The following TAS1R2 variants were observed in gnomAD, a reference collection of about 807,000 sequenced individuals.
TAS1R2 encodes the protein taste 1 receptor member 2.
In TAS1R2, 47 loss-of-function variants were observed where a neutral mutation model predicts 49.3. That is an observed-to-expected ratio of 0.95 (90% confidence interval 0.75 to 1.22). The LOEUF is 1.22. TAS1R2 is among the 50% of genes most tolerant of loss of function. The pLI, the probability that TAS1R2 is intolerant of heterozygous loss-of-function variation, is 0.00. For synonymous variants in TAS1R2, 479 were observed against 467.9 expected, an observed-to-expected ratio of 1.02 and a Z score of -0.31; for missense variants, 1,155 against 1,122.1, an observed-to-expected ratio of 1.03 and a Z score of -0.42.
At position 18,854,975 on chromosome 1, in the gene TAS1R2, G is replaced by A. The variant is rs759207242; in HGVS notation, c.495C>T (p.Ser165=). The A allele has an allele frequency of 1.1e-5, 18 of 1,603,604 alleles. No homozygotes were observed. Among genetic ancestry groups the A allele is most frequent in the Admixed American group, 1.7e-5 (1 of 59,844 alleles). ...TGTCTCGCAGCTCATCGCTGATGGC[G>A]CTGTAGGTGATCTGCAAGGGGAAGG... is the stretch of plus-strand genomic sequence containing the variant. Residue 165 remains serine (S), a synonymous_variant, in exon 3 of 6, where the codon AGC becomes AGT. Coordinates refer to ENST00000375371, the Ensembl canonical transcript of TAS1R2. The surrounding 1 kb of genome is among the most constrained non-coding windows in gnomAD (Gnocchi z 4.9).
At chr1:18,843,704 T>C (rs574186512) in intron 4 of TAS1R2, among the ~76,000 whole-genome samples, 6 of 152,318 alleles carry the variant, frequency 3.9e-5, no homozygotes, top group South Asian at 4.1e-4. Context: ...AAGAGAGAGA[T>C]GCAACAATGC....
exon 1 of TAS1R2, chr1:18,859,510 G>T: frequency 1.2e-6 from 2 of 1,614,134 alleles, no homozygotes; most frequent in South Asian, 2.2e-5. Context: ...AGGAAGTTAA[G>T]GTGAACAATG....
rs1276946411 is a variant in TAS1R2, at chr1:18,841,979, CTG to C, written c.1468-129_1468-128del. On this transcript the variant is annotated intron_variant, in intron 4 of 5. Transcript: ENST00000375371. ...AGCCCCCTAGGTTTTGGGGTGGAAACTGTAGAAAAAAAAAAAAAAACTCTCAT... is the reference window on the plus strand; with the variant it reads ...AGCCCCCTAGGTTTTGGGGTGGAAACTAGAAAAAAAAAAAAAAACTCTCAT... The C allele has an allele frequency of 7.0e-6, 4 of 570,806 alleles. No individual in the cohort carries two copies. The Admixed American group carries it at 1.8e-4, about 26-fold the overall frequency. 35.4% of individuals were successfully genotyped at this position (570,806 alleles called of 1,614,324 possible). A position where few individuals can be genotyped will look rare whatever the true frequency, so the allele number is the denominator to read the frequency against.
chr1:18,847,929 C>G (rs112518480), intron 4 of TAS1R2, among the ~76,000 whole-genome samples: 1 of 152,150 alleles, frequency 6.6e-6, no homozygotes. Context: ...TAGCAGCAAG[C>G]GGAGAGAGCT....
chr1:18,855,612 A>G (rs1031553013), intron 2 of TAS1R2, among the ~76,000 whole-genome samples: 4 of 151,976 alleles, frequency 2.6e-5, no homozygotes, highest in African/African-American at 9.7e-5. Flanking sequence ...ATGGCTTAAT[A>G]TCCCATTTCC....
intron 4 of TAS1R2, among the ~76,000 whole-genome samples, chr1:18,843,013 TAA>T (rs1276901042): frequency 7.2e-5 from 11 of 152,316 alleles, no homozygotes; most frequent in African/African-American, 2.6e-4. Flanking sequence ...AAACAATACT[TAA>T]GAGGGAAATT....
chr1:18,844,939 A>G (rs1933890978), intron 4 of TAS1R2, among the ~76,000 whole-genome samples: 1 of 152,204 alleles, frequency 6.6e-6, no homozygotes, highest in Non-Finnish European at 1.5e-5. Context: ...CCATTGCAGA[A>G]CACCTAACAT....
rs745788077 is a variant in TAS1R2, at chr1:18,840,129, G to A, written c.1990C>T (p.Arg664Cys). Residue 664 changes from arginine to cysteine, a missense_variant, in exon 6 of 6, where the codon CGC becomes TGC. Physicochemically the swap from Arg to Cys is radical, Grantham distance 180. Transcript: ENST00000375371. Reference sequence around the variant, plus strand: ...CAGTAGCTGTAGGCGCGTGGGAAGCGGCTGGCCATCTTGAAGGCGCAGACG... The same window carrying A: ...CAGTAGCTGTAGGCGCGTGGGAAGCAGCTGGCCATCTTGAAGGCGCAGACG... 52 of 1,614,106 alleles carry A rather than the reference G, an allele frequency of 3.2e-5. No homozygotes were observed. Among genetic ancestry groups the A allele is most frequent in the East Asian group, 6.7e-5 (3 of 44,894 alleles).
intron 4 of TAS1R2, among the ~76,000 whole-genome samples, chr1:18,848,840 C>T (rs1171521334): frequency 1.3e-5 from 2 of 152,182 alleles, no homozygotes; most frequent in African/African-American, 2.4e-5. Context: ...AAGCTCAGGG[C>T]TTCCATTAAT....
Position 18,858,626 on chromosome 1 carries a change from C to T in TAS1R2, c.182+853G>A, listed in dbSNP as rs377201214. 1.6e-4 allele frequency among the ~76,000 whole-genome samples: 25 copies of T among 152,296 alleles called. No homozygotes were observed. The South Asian group carries it at 5.0e-3, about 30-fold the overall frequency. ...TCATCATCACCATCATACTTTTTATCATTGTCATCATCACCAGTATTACTG... is the reference window on the plus strand; with the variant it reads ...TCATCATCACCATCATACTTTTTATTATTGTCATCATCACCAGTATTACTG... On this transcript the variant is annotated intron_variant, in intron 1 of 5. Coordinates refer to ENST00000375371, the Ensembl canonical transcript of TAS1R2.
chr1:18,854,823 C>T lies in TAS1R2; in HGVS notation c.647G>A (p.Gly216Asp), dbSNP rs758651483. Residue 216 changes from glycine to aspartate, a missense_variant, in exon 3 of 6, where the codon GGC (glycine) becomes GAC (aspartate). Coordinates refer to ENST00000375371, the Ensembl canonical transcript of TAS1R2. The surrounding 1 kb of genome is among the most constrained non-coding windows in gnomAD (Gnocchi z 4.9). ...GCCAAGCAGCTGGCCATTGTCGCGG[C>T]CATAGGTGTCGCTGCTCACCAGCAC... The T allele has an allele frequency of 6.2e-7, 1 of 1,607,404 alleles. No homozygotes were observed. The highest frequency in any genetic ancestry group is 8.5e-7 in the Non-Finnish European group (1 of 1,179,312).
Position 18,854,908 on chromosome 1 carries a change from C to A in TAS1R2, c.562G>T (p.Asp188Tyr), listed in dbSNP as rs778307315. 2 of 1,613,316 alleles carry A rather than the reference C, an allele frequency of 1.2e-6. No individual in the cohort carries two copies. The highest frequency in any genetic ancestry group is 2.2e-5 in the South Asian group (2 of 91,056). ...TGCACCATGGCCTCGATGTGGTGGTCGGCGCTGGGTGTGGTACGCAGCAAA... is the reference window on the plus strand; with the variant it reads ...TGCACCATGGCCTCGATGTGGTGGTAGGCGCTGGGTGTGGTACGCAGCAAA... Residue 188 changes from aspartate to tyrosine, a missense_variant, in exon 3 of 6, where the codon GAC (aspartate) becomes TAC (tyrosine). Coordinates refer to ENST00000375371, the Ensembl canonical transcript of TAS1R2. This position sits in a 1 kb window ranked among gnomAD's most constrained non-coding sequence, Gnocchi z 4.9.
exon 1 of TAS1R2, chr1:18,859,602 T>G: frequency 6.2e-7 from 1 of 1,614,206 alleles, no homozygotes; most frequent in South Asian, 1.1e-5. Flanking sequence ...CTCAGCCGGC[T>G]CAGCCAGGAC....
At chr1:18,843,377 T>A (rs1477102719) in intron 4 of TAS1R2, among the ~76,000 whole-genome samples, 2 of 152,158 alleles carry the variant, frequency 1.3e-5, no homozygotes, top group East Asian at 3.8e-4. Flanking sequence ...AGGCCAAAGG[T>A]ACAGAGAATG....
chr1:18,847,547 T>A (rs1013956704), intron 4 of TAS1R2, among the ~76,000 whole-genome samples: 2 of 123,320 alleles, frequency 1.6e-5, no homozygotes, highest in African/African-American at 6.2e-5. Flanking sequence ...TGCAGGCTAT[T>A]AGCAAAGGAG....
chr1:18,839,990 G>C, exon 6 of TAS1R2: 1 of 1,614,222 alleles, frequency 6.2e-7, no homozygotes. Flanking sequence ...GGGGTCATCG[G>C]GGTCAGTACG....
rs1933806256 is a variant in TAS1R2, at chr1:18,840,632, A to G, written c.1592-105T>C. Reference sequence around the variant, plus strand: ...GCTCCAGGGATGAAGAGAGAGCACCAAGGGCAACCCTTGCATTCACAGCCA... The same window carrying G: ...GCTCCAGGGATGAAGAGAGAGCACCGAGGGCAACCCTTGCATTCACAGCCA... On this transcript the variant is annotated intron_variant, in intron 5 of 5. Transcript: ENST00000375371. 2.5e-5 allele frequency: 30 copies of G among 1,217,988 alleles called. No individual in the cohort carries two copies. The South Asian group carries it at 3.6e-4, about 15-fold the overall frequency. The allele number at this position is 1,217,988 out of a possible 1,614,324, so 75.4% of individuals were successfully genotyped here.
intron 4 of TAS1R2, among the ~76,000 whole-genome samples, chr1:18,848,994 C>A (rs1933971491): frequency 6.6e-6 from 1 of 152,192 alleles, no homozygotes; most frequent in African/African-American, 2.4e-5. Context: ...AATTGTCTTC[C>A]ACTAAACCAG....
At position 18,841,159 on chromosome 1, in the gene TAS1R2, C is replaced by T. The variant is rs80197664; in HGVS notation, c.1591+570G>A. On this transcript the variant is annotated intron_variant, in intron 5 of 5. Transcript: ENST00000375371. ...AAAGAATTGAGCTCCAAACTCTGAA[C>T]TGTGCTAAACACTAATGTGGACAGA... Among the ~76,000 whole-genome samples, 855 of 152,366 alleles carry T rather than the reference C, an allele frequency of 5.6e-3. 9 individuals carry two copies. The highest frequency in any genetic ancestry group is 0.019 in the African/African-American group (809 of 41,580).
Sources: allele counts gnomAD v4.1 joint callset (sites outside exome capture counted in the v4.1 genomes callset), GRCh38; gene constraint gnomAD v4.1.1; non-coding constraint Gnocchi (gnomAD v3.1); transcripts MANE v1.5; gene names NCBI Gene and HGNC (gene_info 2026-07-23, HGNC 2026-07-21).